IGFBP7: variants seen among roughly 807,000 people sequenced by gnomAD.
The protein encoded by IGFBP7 is insulin-like growth factor-binding protein 7.
Under a neutral mutation model 29.4 loss-of-function variants are expected in IGFBP7, and 31 were observed. The ratio of observed to expected loss-of-function variants is 1.05; its 90% CI spans 0.79 to 1.42. The LOEUF is 1.42. IGFBP7 is among the 40% of genes most tolerant of loss of function. IGFBP7 has a pLI of 0.00. For synonymous variants in IGFBP7, 172 were observed against 174.9 expected (o/e 0.98, Z 0.13); for missense variants, 393 against 395.5 (o/e 0.99, Z 0.05).
intron 1 of IGFBP7, among the ~76,000 whole-genome samples, chr4:57,043,751 AT>A (rs1724286855): frequency 6.6e-6 from 1 of 152,202 alleles, no homozygotes; most frequent in Admixed American, 6.5e-5. Context: ...GCAAACATGA[AT>A]GTGGTGAGCA....
At chr4:57,063,192 G>C (rs1384526774) in intron 1 of IGFBP7, among the ~76,000 whole-genome samples, 2 of 151,516 alleles carry the variant, frequency 1.3e-5, no homozygotes, top group African/African-American at 4.9e-5. Context: ...TCTCAGATTA[G>C]TTTCCTTTTT....
chr4:57,038,490 G>T (rs1171594297), intron 2 of IGFBP7, among the ~76,000 whole-genome samples: 1 of 152,134 alleles, frequency 6.6e-6, no homozygotes, highest in African/African-American at 2.4e-5. Context: ...TTTCAAATGG[G>T]CTGGTAGAAC....
Position 57,066,974 on chromosome 4 carries a change from G to GTT in IGFBP7, c.476-26043_476-26042dup, listed in dbSNP as rs61431158. Among the ~76,000 whole-genome samples, 9 of 142,700 alleles carry GTT rather than the reference G, an allele frequency of 6.3e-5. No individual in the cohort carries two copies. The South Asian group carries it at 8.9e-4, about 14-fold the overall frequency. The allele number at this position is 142,700 out of a possible 152,430, so 93.6% of individuals were successfully genotyped here. A position where few individuals can be genotyped will look rare whatever the true frequency, so the allele number is the denominator to read the frequency against. On this transcript the variant is annotated intron_variant, in intron 1 of 4. Coordinates refer to ENST00000295666, the MANE Select transcript of IGFBP7 (RefSeq NM_001553.3). ...AATAATCATAATCTCTTTTTGGAAG[G>GTT]TTTTTTTTTTTTTGGTGTGTTTTTA...
intron 1 of IGFBP7, among the ~76,000 whole-genome samples, chr4:57,072,245 G>A (rs944300932): frequency 2.6e-5 from 4 of 152,040 alleles, no homozygotes; most frequent in Non-Finnish European, 5.9e-5. Flanking sequence ...GAGAACACAT[G>A]GTATTTGGTT....
At chr4:57,049,165 A>G (rs559770527) in intron 1 of IGFBP7, among the ~76,000 whole-genome samples, 1 of 151,764 alleles carries the variant, frequency 6.6e-6, no homozygotes, top group South Asian at 2.1e-4. Flanking sequence ...TTATAAAGGT[A>G]TCACCCTTTA....
At chr4:57,078,950 C>T (rs1725295681) in intron 1 of IGFBP7, among the ~76,000 whole-genome samples, 1 of 152,242 alleles carries the variant, frequency 6.6e-6, no homozygotes, top group South Asian at 2.1e-4. Flanking sequence ...CTCCCGTCCA[C>T]AGGGCCCCCA....
At chr4:57,068,923 T>C (rs1002351126) in intron 1 of IGFBP7, among the ~76,000 whole-genome samples, 2 of 152,164 alleles carry the variant, frequency 1.3e-5, no homozygotes, top group African/African-American at 4.8e-5. Context: ...AAGCTTTCCA[T>C]GGCCACTTTT....
intron 1 of IGFBP7, chr4:57,072,797 G>A: frequency 1.8e-6 from 1 of 549,506 alleles, no homozygotes. Context: ...CATCCATTGA[G>A]CAGCTGGCAC....
At chr4:57,107,191 C>T (rs987096679) in intron 1 of IGFBP7, among the ~76,000 whole-genome samples, 2 of 152,052 alleles carry the variant, frequency 1.3e-5, no homozygotes, top group African/African-American at 2.4e-5. Flanking sequence ...TTTGTACATC[C>T]CTGGTATATA....
intron 2 of IGFBP7, 32 bp downstream of exon 2, chr4:57,040,792 C>T (rs1724202898): frequency 7.1e-7 from 1 of 1,404,562 alleles, no homozygotes; most frequent in Non-Finnish European, 1.0e-6. Context: ...GCTTGTCAGC[C>T]TAGGATGTCT....
At chr4:57,107,308 A>C (rs1726057537) in intron 1 of IGFBP7, among the ~76,000 whole-genome samples, 1 of 152,186 alleles carries the variant, frequency 6.6e-6, no homozygotes, top group African/African-American at 2.4e-5. Context: ...TGAATCCCAC[A>C]ATGCTGCCCC....
chr4:57,087,106 C>T (rs1016517700), intron 1 of IGFBP7, among the ~76,000 whole-genome samples: 10 of 152,184 alleles, frequency 6.6e-5, no homozygotes, highest in African/African-American at 2.4e-4. Flanking sequence ...CCCCATTTAA[C>T]GGTAACCCCC....
chr4:57,097,618 C>T (rs909537955), intron 1 of IGFBP7, among the ~76,000 whole-genome samples: 1 of 151,184 alleles, frequency 6.6e-6, no homozygotes, highest in African/African-American at 2.4e-5. Context: ...AATCCTACTA[C>T]ATACCAGGTA....
chr4:57,053,170 T>C (rs375807330), intron 1 of IGFBP7, among the ~76,000 whole-genome samples: 2 of 152,112 alleles, frequency 1.3e-5, no homozygotes, highest in African/African-American at 4.8e-5. Flanking sequence ...GCACACACCA[T>C]CACACCTGGC....
chr4:57,099,399 A>T (rs779738113), intron 1 of IGFBP7, among the ~76,000 whole-genome samples: 5 of 152,204 alleles, frequency 3.3e-5, no homozygotes, highest in Non-Finnish European at 7.3e-5. Flanking sequence ...AAAAATGCAA[A>T]TTCCTTAGAC....
intron 1 of IGFBP7, among the ~76,000 whole-genome samples, chr4:57,105,907 A>ATTTTTTTT (rs34995246): frequency 7.4e-6 from 1 of 135,822 alleles, no homozygotes; most frequent in Non-Finnish European, 1.5e-5. Context: ...CATTTTTTAA[A>ATTTTTTTT]TTTTTTTTTT....
intron 1 of IGFBP7, among the ~76,000 whole-genome samples, chr4:57,085,147 G>A (rs73242640): frequency 0.013 from 2,040 of 151,976 alleles, 21 homozygotes; most frequent in Non-Finnish European, 0.02. Flanking sequence ...ATATCAATAG[G>A]TATTTGTCAT....
At chr4:57,107,333 T>A (rs1428228989) in intron 1 of IGFBP7, among the ~76,000 whole-genome samples, 1 of 152,148 alleles carries the variant, frequency 6.6e-6, no homozygotes, top group African/African-American at 2.4e-5. Context: ...TGGCCCCTAC[T>A]CAAGTTATAC....
chr4:57,096,801 T>C (rs964914139), intron 1 of IGFBP7, among the ~76,000 whole-genome samples: 8 of 152,230 alleles, frequency 5.3e-5, no homozygotes, highest in Non-Finnish European at 7.3e-5. Context: ...AAGTGGGCAC[T>C]TTCTGAGTCG....
Sources: gnomAD v4.1 joint callset for allele counts (sites outside exome capture counted in the v4.1 genomes callset) on GRCh38, gnomAD v4.1.1 for gene constraint, MANE v1.5 for transcripts, NCBI Gene and HGNC (gene_info 2026-07-23, HGNC 2026-07-21) for gene names.